The following CADPS variants were observed in gnomAD, a reference collection of about 807,000 sequenced individuals.
The protein encoded by CADPS is calcium-dependent secretion activator 1.
In CADPS, 57 loss-of-function variants were observed where a neutral mutation model predicts 167.3. The ratio of observed to expected loss-of-function variants is 0.34; its 90% CI spans 0.28 to 0.42. The LOEUF (loss-of-function observed/expected upper bound fraction) is 0.42. CADPS is among the 20% of genes least tolerant of loss of function. The probability of loss-of-function intolerance (pLI) is 1.00; values close to 1 mark genes in which losing one functional copy is unlikely to be tolerated. For synonymous variants in CADPS, 676 were observed against 635.3 expected (o/e 1.06, Z -0.96); for missense variants, 1,414 against 1,738.1 (o/e 0.81, Z 3.32).
At chr3:62,569,386 G>T (rs750954594) in intron 9 of CADPS, among the ~76,000 whole-genome samples, 1 of 152,188 alleles carries the variant, frequency 6.6e-6, no homozygotes, top group Non-Finnish European at 1.5e-5. Flanking sequence ...ACAGGCGTGA[G>T]CCACCGTGCT....
intron 17 of CADPS, among the ~76,000 whole-genome samples, chr3:62,510,622 C>T (rs1379450805): frequency 2.6e-5 from 4 of 152,104 alleles, no homozygotes; most frequent in East Asian, 1.9e-4. Flanking sequence ...CATAAGTCCA[C>T]CAAAATGCCA....
chr3:62,854,789 A>G (rs911850180), intron 1 of CADPS, among the ~76,000 whole-genome samples: 7 of 152,352 alleles, frequency 4.6e-5, no homozygotes, highest in Middle Eastern at 3.4e-3. Context: ...AAAGGCAAAG[A>G]GTAAAATTAA....
chr3:62,770,046 C>T (rs2088175198), intron 1 of CADPS, among the ~76,000 whole-genome samples: 1 of 152,212 alleles, frequency 6.6e-6, no homozygotes, highest in South Asian at 2.1e-4. Context: ...CTTTGACTTG[C>T]TCCACTTTGC....
chr3:62,519,472 C>G (rs996210918), intron 13 of CADPS, among the ~76,000 whole-genome samples: 4 of 152,146 alleles, frequency 2.6e-5, no homozygotes, highest in Non-Finnish European at 4.4e-5. Flanking sequence ...AAAATTTCCT[C>G]TTCCCCACTT....
chr3:62,842,247 C>T (rs182045960), intron 1 of CADPS, among the ~76,000 whole-genome samples: 1 of 152,078 alleles, frequency 6.6e-6, no homozygotes, highest in African/African-American at 2.4e-5. Flanking sequence ...TCAGAAGAAC[C>T]CAGTGAGGTA....
intron 16 of CADPS, among the ~76,000 whole-genome samples, chr3:62,515,361 C>T (rs1267774189): frequency 1.2e-5 from 1 of 84,910 alleles, no homozygotes; most frequent in Non-Finnish European, 3.4e-5. Flanking sequence ...GTGATTAATA[C>T]CTTCGTGGAT....
At chr3:62,607,572 A>G (rs1234694659) in intron 6 of CADPS, among the ~76,000 whole-genome samples, 1 of 152,228 alleles carries the variant, frequency 6.6e-6, no homozygotes, top group Non-Finnish European at 1.5e-5. Context: ...GTGGGTACAC[A>G]GAAGCAGCGC....
At chr3:62,486,608 G>A (rs568887835) in intron 21 of CADPS, among the ~76,000 whole-genome samples, 3 of 152,228 alleles carry the variant, frequency 2.0e-5, no homozygotes, top group African/African-American at 7.2e-5. Context: ...GCAGTGTTTA[G>A]TTCTACCATT....
At chr3:62,582,583 ATTT>A (rs1486962693) in intron 8 of CADPS, among the ~76,000 whole-genome samples, 1 of 152,156 alleles carries the variant, frequency 6.6e-6, no homozygotes, top group Admixed American at 6.5e-5. Flanking sequence ...CTCCATAAAC[ATTT>A]TTATTTTCTC....
intron 1 of CADPS, among the ~76,000 whole-genome samples, chr3:62,788,980 G>C (rs1029527591): frequency 2.0e-5 from 3 of 152,166 alleles, no homozygotes; most frequent in Non-Finnish European, 4.4e-5. Flanking sequence ...CAATGCTGGT[G>C]ATTTCGAAGA....
intron 3 of CADPS, among the ~76,000 whole-genome samples, chr3:62,685,816 C>A (rs976869698): frequency 6.6e-6 from 1 of 152,064 alleles, no homozygotes; most frequent in South Asian, 2.1e-4. Flanking sequence ...GTAGGGTTTG[C>A]GCTCCTATGA....
At chr3:62,751,585 G>C (rs2082710720) in intron 3 of CADPS, among the ~76,000 whole-genome samples, 1 of 152,034 alleles carries the variant, frequency 6.6e-6, no homozygotes, top group Admixed American at 6.6e-5. Context: ...ATCATGCCTG[G>C]CTAATTTTTG....
Position 62,438,517 on chromosome 3 carries a change from C to A in CADPS, c.3670-306G>T. The A allele has an allele frequency of 3.6e-6, 1 of 278,818 alleles. No individual in the cohort carries two copies. Among genetic ancestry groups the A allele is most frequent in the Non-Finnish European group, 6.8e-6 (1 of 146,900 alleles). 17.3% of individuals were successfully genotyped at this position (278,818 alleles called of 1,614,324 possible). A position where few individuals can be genotyped will look rare whatever the true frequency, so the allele number is the denominator to read the frequency against. On this transcript the variant is annotated intron_variant, in intron 27 of 29. Transcript: ENST00000383710. This position sits in a 1 kb window ranked among gnomAD's most constrained non-coding sequence, Gnocchi z 4.7. ...AATGGATAAATCTTTACTGCATAAC[C>A]CATAGATGTTCTCTGACTTTGCCTT...
chr3:62,440,709 G>C (rs961296704), intron 27 of CADPS: 2 of 152,174 alleles, frequency 1.3e-5, no homozygotes, highest in Non-Finnish European at 2.9e-5. Context: ...TCCCTTGATG[G>C]AGCAGAAATA....
chr3:62,537,837 A>G (rs1186488384), intron 11 of CADPS, among the ~76,000 whole-genome samples: 1 of 151,810 alleles, frequency 6.6e-6, no homozygotes, highest in Non-Finnish European at 1.5e-5. Context: ...TTGATATTGT[A>G]TTAATAAATC....
rs557374462 is a variant in CADPS, at chr3:62,465,382, A to G, written c.3621T>C (p.Ser1207=). 1.2e-6 allele frequency: 2 copies of G among 1,606,998 alleles called. No individual in the cohort carries two copies. Among genetic ancestry groups the G allele is most frequent in the South Asian group, 1.1e-5 (1 of 88,910 alleles). The change falls in exon 26 of 30, where the codon TCT becomes TCC. Residue 1207 remains serine, a synonymous_variant. Transcript: ENST00000383710. This position sits in a 1 kb window ranked among gnomAD's most constrained non-coding sequence, Gnocchi z 4.1. ...SRYDEGTLFS[S]FLSFTVKAAS... is the part of the protein sequence containing the mutation. ...CTTTACTTACGGTAAATGACAGAAAAGAAGAAAACAAAGTCCCTTCGTCAT... is the reference window on the plus strand; with the variant it reads ...CTTTACTTACGGTAAATGACAGAAAGGAAGAAAACAAAGTCCCTTCGTCAT...
At chr3:62,797,167 TTTG>T (rs199716754) in intron 1 of CADPS, among the ~76,000 whole-genome samples, 2,047 of 152,230 alleles carry the variant, frequency 0.013, 25 homozygotes, top group South Asian at 0.03. Flanking sequence ...GTTTTTGTTT[TTTG>T]TTTTTTTTCC....
intron 9 of CADPS, among the ~76,000 whole-genome samples, chr3:62,569,826 C>T (rs1325517019): frequency 6.6e-6 from 1 of 152,076 alleles, no homozygotes; most frequent in Non-Finnish European, 1.5e-5. Context: ...AGTTTAAATG[C>T]TCTGGTGGAG....
chr3:62,495,014 C>T (rs888717229), intron 18 of CADPS, among the ~76,000 whole-genome samples: 10 of 152,164 alleles, frequency 6.6e-5, no homozygotes, highest in African/African-American at 2.4e-4. Flanking sequence ...ATAAGAAGTG[C>T]CACTTCTACG....
Sources: allele counts gnomAD v4.1 joint callset (sites outside exome capture counted in the v4.1 genomes callset), GRCh38; gene constraint gnomAD v4.1.1; non-coding constraint Gnocchi (gnomAD v3.1); transcripts MANE v1.5; gene names NCBI Gene and HGNC (gene_info 2026-07-23, HGNC 2026-07-21).